ITPK1: variants seen among roughly 807,000 people sequenced by gnomAD.
The protein encoded by ITPK1 is inositol 1,3,4-trisphosphate 5/6-kinase.
ITPK1 carries 21 observed loss-of-function variants against 45.3 expected under a neutral mutation model. The observed-to-expected ratio is 0.46, with a 90% CI of 0.33 to 0.67. The LOEUF (loss-of-function observed/expected upper bound fraction) is 0.67. Among genes scored for constraint, ITPK1 ranks in the 30% least tolerant of loss-of-function variants. The pLI, the probability that ITPK1 is intolerant of heterozygous loss-of-function variation, is 0.02. For synonymous variants in ITPK1, 258 were observed against 253.6 expected, an observed-to-expected ratio of 1.02 and a Z score of -0.16; for missense variants, 474 against 573.5, an observed-to-expected ratio of 0.83 and a Z score of 1.77.
In ITPK1 at chr14:92,958,300, T is replaced by C; in HGVS notation, c.571A>G (p.Ile191Val). The change falls in exon 8 of 11, where the codon ATC becomes GTC. Residue 191 changes from isoleucine (I) to valine (V), a missense_variant. This residue lies in a region of ITPK1 where 367 missense variants were observed against 480.6 expected (regional missense o/e 0.76). Coordinates refer to ENST00000267615, the MANE Select transcript of ITPK1 (RefSeq NM_014216.6). The surrounding 1 kb of genome is among the most constrained non-coding windows in gnomAD (Gnocchi z 4.4). ...TTGTACAGGACGGCGTTGTGGTTGA[T>C]GAAATTCTGGACCACGCAGGGTGGC... ...IQPPCVVQNFINHNAVLYKVF... is the reference protein window; with the variant it reads ...IQPPCVVQNFVNHNAVLYKVF... The C allele has an allele frequency of 5.0e-6, 8 of 1,614,172 alleles. No homozygotes were observed. Among genetic ancestry groups the C allele is most frequent in the Non-Finnish European group, 5.9e-6 (7 of 1,180,012 alleles).
chr14:93,011,953 G>A (rs1302359963), intron 4 of ITPK1, among the ~76,000 whole-genome samples: 1 of 148,082 alleles, frequency 6.8e-6, no homozygotes, highest in African/African-American at 2.5e-5. Flanking sequence ...CGGCCTTGCT[G>A]CTCCCTCTCC....
intron 2 of ITPK1, among the ~76,000 whole-genome samples, chr14:93,077,322 A>G (rs1891266473): frequency 6.6e-6 from 1 of 150,866 alleles, no homozygotes; most frequent in South Asian, 2.1e-4. Flanking sequence ...TTCCTGACCC[A>G]TTTCTTTTTT....
intron 3 of ITPK1, among the ~76,000 whole-genome samples, chr14:93,043,546 G>C (rs2139915479): frequency 6.6e-6 from 1 of 152,348 alleles, no homozygotes; most frequent in Admixed American, 6.5e-5. Flanking sequence ...CAAGGCAGCA[G>C]GGCAGCCTCC....
chr14:93,003,320 C>T (rs1473233973), intron 4 of ITPK1, among the ~76,000 whole-genome samples: 2 of 152,234 alleles, frequency 1.3e-5, no homozygotes. Flanking sequence ...CAGACCACTG[C>T]AACCGTGAAA....
Position 92,958,431 on chromosome 14 carries a change from G to T in ITPK1, c.505-65C>A. ...CACCTTCTCAGCCTCCAACACACAG[G>T]TGTGTCACCTGTCCAGAGCACCTCC... On this transcript the variant is annotated intron_variant, in intron 7 of 10. Coordinates refer to ENST00000267615, the MANE Select transcript of ITPK1 (RefSeq NM_014216.6). The surrounding 1 kb of genome is among the most constrained non-coding windows in gnomAD (Gnocchi z 4.4). 1.3e-6 allele frequency: 2 copies of T among 1,524,744 alleles called. No individual in the cohort carries two copies. The highest frequency in any genetic ancestry group is 1.8e-6 in the Non-Finnish European group (2 of 1,105,416). 94.5% of individuals were successfully genotyped at this position (1,524,744 alleles called of 1,614,324 possible).
chr14:92,950,016 CG>C (rs1364466159), intron 9 of ITPK1, among the ~76,000 whole-genome samples: 1 of 152,230 alleles, frequency 6.6e-6, no homozygotes, highest in African/African-American at 2.4e-5. Flanking sequence ...CCCTGGACTC[CG>C]GAATCCTTCT....
At chr14:92,948,809 C>T (rs1595077577) in intron 9 of ITPK1, among the ~76,000 whole-genome samples, 2 of 151,630 alleles carry the variant, frequency 1.3e-5, no homozygotes, top group East Asian at 1.9e-4. Flanking sequence ...GCCCACGCTC[C>T]GAGGGACCCA....
intron 8 of ITPK1, among the ~76,000 whole-genome samples, chr14:92,953,357 T>C (rs1213800947): frequency 6.6e-6 from 1 of 152,160 alleles, no homozygotes; most frequent in Non-Finnish European, 1.5e-5. Context: ...TGAAATATGG[T>C]CCTGGGGAGG....
At chr14:92,987,158 G>A (rs980026385) in intron 5 of ITPK1, among the ~76,000 whole-genome samples, 9 of 152,340 alleles carry the variant, frequency 5.9e-5, no homozygotes, top group African/African-American at 2.2e-4. Context: ...GGACAAAGGG[G>A]TGAGGCTGCT....
intron 2 of ITPK1, among the ~76,000 whole-genome samples, chr14:93,090,886 A>C (rs1174879612): frequency 6.6e-6 from 1 of 152,090 alleles, no homozygotes; most frequent in Non-Finnish European, 1.5e-5. Context: ...TCCATCACCA[A>C]CCTGCGCCTC....
At chr14:93,049,941 C>A (rs1030109475) in intron 3 of ITPK1, among the ~76,000 whole-genome samples, 1 of 152,074 alleles carries the variant, frequency 6.6e-6, no homozygotes, top group Non-Finnish European at 1.5e-5. Context: ...AGTCAAGTTA[C>A]AAACACGGTC....
At chr14:93,086,784 A>G (rs1204385853) in intron 2 of ITPK1, among the ~76,000 whole-genome samples, 3 of 152,222 alleles carry the variant, frequency 2.0e-5, no homozygotes, top group African/African-American at 7.2e-5. Context: ...AAAGGCAAAG[A>G]CCAGGTCATG....
intron 2 of ITPK1, among the ~76,000 whole-genome samples, chr14:93,109,797 C>CCA (rs1892671215): frequency 6.6e-6 from 1 of 152,176 alleles, no homozygotes; most frequent in Non-Finnish European, 1.5e-5. Context: ...ATCCTCAAAC[C>CCA]CACATCCCTG....
chr14:93,050,149 AG>A (rs933833165), intron 3 of ITPK1, among the ~76,000 whole-genome samples: 2 of 152,194 alleles, frequency 1.3e-5, no homozygotes, highest in African/African-American at 4.8e-5. Flanking sequence ...CCATCTGGCC[AG>A]TTGGAGAAAG....
At position 93,016,693 on chromosome 14, in the gene ITPK1, G is replaced by C; in HGVS notation, c.229C>G (p.Leu77Val). 1 of 1,614,122 alleles carries C rather than the reference G, an allele frequency of 6.2e-7. No homozygotes were observed. The highest frequency in any genetic ancestry group is 8.5e-7 in the Non-Finnish European group (1 of 1,179,994). The change falls in exon 4 of 11, where the codon CTG becomes GTG. Residue 77 changes from leucine to valine, a missense_variant. By Grantham distance (32) the Leu-to-Val change is conservative (BLOSUM62 1). Coordinates refer to ENST00000267615, the MANE Select transcript of ITPK1 (RefSeq NM_014216.6). This position sits in a 1 kb window ranked among gnomAD's most constrained non-coding sequence, Gnocchi z 5.0. ...ADQNDSQSLELVHRFQEYIDA... is the reference protein window; with the variant it reads ...ADQNDSQSLEVVHRFQEYIDA... ...TCACTCACCTGGAACCTGTGCACCA[G>C]CTCCAGGGACTGGCTATCATTCTGG...
Position 93,014,018 on chromosome 14 carries a change from G to A in ITPK1, c.246+2658C>T, listed in dbSNP as rs1182735093. Among the ~76,000 whole-genome samples, 1 of 152,194 alleles carries A rather than the reference G, an allele frequency of 6.6e-6. No homozygotes were observed. The highest frequency in any genetic ancestry group is 1.5e-5 in the Non-Finnish European group (1 of 68,038). ...CTCTCTCCTGGGGCCTCTGGAAAGT[G>A]CAGCCCCGCACCCTTTTCTCCAAAG... On this transcript the variant is annotated intron_variant, in intron 4 of 10. Transcript: ENST00000267615. This position sits in a 1 kb window ranked among gnomAD's most constrained non-coding sequence, Gnocchi z 4.4.
In ITPK1 at chr14:92,993,973, T is replaced by C; in HGVS notation, c.271A>G (p.Thr91Ala). 1 of 1,613,242 alleles carries C rather than the reference T, an allele frequency of 6.2e-7. No homozygotes were observed. The highest frequency in any genetic ancestry group is 8.5e-7 in the Non-Finnish European group (1 of 1,179,310). The change falls in exon 5 of 11, where the codon ACC (threonine) becomes GCC (alanine). Residue 91 changes from threonine to alanine, a missense_variant. Thr to Ala is a moderately conservative substitution (Grantham distance 58). Coordinates refer to ENST00000267615, the MANE Select transcript of ITPK1 (RefSeq NM_014216.6). Reference protein sequence around the residue: ...FQEYIDAHPETIVLDPLPAIR... With the variant: ...FQEYIDAHPEAIVLDPLPAIR... ...GCAGGGAGCGGGTCCAGGACGATGGTCTCAGGGTGGGCATCGATGTACTCC... is the reference window on the plus strand; with the variant it reads ...GCAGGGAGCGGGTCCAGGACGATGGCCTCAGGGTGGGCATCGATGTACTCC...
At chr14:93,035,854 C>T (rs1228286333) in intron 3 of ITPK1, among the ~76,000 whole-genome samples, 7 of 152,216 alleles carry the variant, frequency 4.6e-5, no homozygotes, top group Admixed American at 2.0e-4. Flanking sequence ...CTGTCACCTC[C>T]CACCAGAAAC....
chr14:93,112,062 G>A (rs1015887553), intron 2 of ITPK1, among the ~76,000 whole-genome samples: 2 of 151,652 alleles, frequency 1.3e-5, no homozygotes, highest in Admixed American at 6.6e-5. Context: ...CTCCCCCCAA[G>A]ACAAGGATTA....
Sources: allele counts gnomAD v4.1 joint callset (sites outside exome capture counted in the v4.1 genomes callset), GRCh38; gene constraint gnomAD v4.1.1; regional missense constraint gnomAD v4.1.1; non-coding constraint Gnocchi (gnomAD v3.1); transcripts MANE v1.5; gene names NCBI Gene and HGNC (gene_info 2026-07-23, HGNC 2026-07-21).